TTC7B: variants seen among roughly 807,000 people sequenced by gnomAD.
The protein encoded by TTC7B is tetratricopeptide repeat domain 7B.
In TTC7B, 28 loss-of-function variants were observed where a neutral mutation model predicts 106.8. That is an observed-to-expected ratio of 0.26 (90% CI 0.19 to 0.36). The LOEUF is 0.36. Ranked by LOEUF, TTC7B falls within the 10% of genes least tolerant of loss-of-function variation. The probability of loss-of-function intolerance (pLI) is 1.00; values close to 1 mark genes in which losing one functional copy is unlikely to be tolerated. For missense variants in TTC7B, 862 were observed against 1,076.4 expected (o/e 0.80, Z 2.79); for synonymous variants, 405 against 430.6 (o/e 0.94, Z 0.74).
intron 19 of TTC7B, among the ~76,000 whole-genome samples, chr14:90,561,199 G>A (rs543605110): frequency 2.0e-5 from 3 of 152,336 alleles, no homozygotes; most frequent in Admixed American, 6.5e-5. Context: ...AGAAAGACGC[G>A]GCATCACATC....
At chr14:90,697,022 GA>G (rs1394630626) in intron 5 of TTC7B, among the ~76,000 whole-genome samples, 2 of 152,186 alleles carry the variant, frequency 1.3e-5, no homozygotes, top group Non-Finnish European at 2.9e-5. Context: ...CAAAGGATGG[GA>G]ATGGATATGG....
In TTC7B at chr14:90,755,668, C is replaced by A. The variant is rs199756149; in HGVS notation, c.446-10746G>T. ...GGCAAGACCCTGTCACTAAAAAAAA[C>A]AAAAAAACAAACAAACAAAAAAAAA... On this transcript the variant is annotated intron_variant, in intron 3 of 19. Coordinates refer to ENST00000328459, the MANE Select transcript of TTC7B (RefSeq NM_001010854.2). 4.1e-5 allele frequency among the ~76,000 whole-genome samples: 6 copies of A among 147,378 alleles called. No individual in the cohort carries two copies. In the South Asian group the frequency reaches 1.1e-3, roughly 27 times the overall value.
intron 18 of TTC7B, among the ~76,000 whole-genome samples, chr14:90,580,938 T>C (rs1450494565): frequency 2.0e-5 from 3 of 152,164 alleles, no homozygotes; most frequent in Non-Finnish European, 4.4e-5. Context: ...CTGTGGTTAG[T>C]GGCGATGCTG....
chr14:90,579,833 A>G (rs1484842437), intron 18 of TTC7B, among the ~76,000 whole-genome samples: 9 of 152,188 alleles, frequency 5.9e-5, no homozygotes, highest in Non-Finnish European at 8.8e-5. Flanking sequence ...ACAACAACGA[A>G]AAAAACAAGA....
chr14:90,641,934 C>CGTGTGTGTGTGTGTGTGTGCGT, intron 15 of TTC7B, among the ~76,000 whole-genome samples: 1 of 146,998 alleles, frequency 6.8e-6, no homozygotes, highest in South Asian at 2.2e-4. Context: ...TGTGTGTGTG[C>CGTGTGTGTGTGTGTGTGTGCGT]GTGTGTGTGT....
chr14:90,622,259 C>T (rs1227754902), intron 15 of TTC7B, among the ~76,000 whole-genome samples: 1 of 151,910 alleles, frequency 6.6e-6, no homozygotes, highest in Admixed American at 6.6e-5. Context: ...GCTGGGACCA[C>T]AGGTGCATGC....
chr14:90,787,630 A>T (rs1446602736), intron 1 of TTC7B, among the ~76,000 whole-genome samples: 2 of 152,210 alleles, frequency 1.3e-5, no homozygotes, highest in Non-Finnish European at 2.9e-5. Context: ...CCCCCCTAAG[A>T]TTCTGGGTGG....
At chr14:90,618,694 C>T (rs1893187470) in intron 15 of TTC7B, among the ~76,000 whole-genome samples, 2 of 152,224 alleles carry the variant, frequency 1.3e-5, no homozygotes, top group Non-Finnish European at 1.5e-5. Context: ...TTCTCTCTTT[C>T]GTGGCCCCAC....
In TTC7B at chr14:90,747,289, A is replaced by G. The variant is rs952511563; in HGVS notation, c.446-2367T>C. 3.3e-5 allele frequency among the ~76,000 whole-genome samples: 5 copies of G among 152,364 alleles called. No homozygotes were observed. In the South Asian group the frequency reaches 6.2e-4, roughly 19 times the overall value. On this transcript the variant is annotated intron_variant, in intron 3 of 19. Coordinates refer to ENST00000328459, the MANE Select transcript of TTC7B (RefSeq NM_001010854.2). Reference sequence around the variant, plus strand: ...GCAGGGAGAATTAAGCACTGTCTATAGGACTCGACTGGGAGAAGAAAACCA... The same window carrying G: ...GCAGGGAGAATTAAGCACTGTCTATGGGACTCGACTGGGAGAAGAAAACCA...
chr14:90,595,444 A>C (rs1430059978), intron 17 of TTC7B, among the ~76,000 whole-genome samples: 1 of 152,254 alleles, frequency 6.6e-6, no homozygotes, highest in South Asian at 2.1e-4. Flanking sequence ...GTTTAGACAA[A>C]GTATGTCTAA....
Position 90,669,824 on chromosome 14 carries a change from T to C in TTC7B, c.1152+6699A>G, listed in dbSNP as rs185886107. On this transcript the variant is annotated intron_variant, in intron 9 of 19. Coordinates refer to ENST00000328459, the MANE Select transcript of TTC7B (RefSeq NM_001010854.2). Reference sequence around the variant, plus strand: ...GAGAAATTAGAAACCTGTGTATTGCTGGTAGGAATGTAAAAATGGTACAGT... The same window carrying C: ...GAGAAATTAGAAACCTGTGTATTGCCGGTAGGAATGTAAAAATGGTACAGT... Among the ~76,000 whole-genome samples, 475 of 152,364 alleles carry C rather than the reference T, an allele frequency of 3.1e-3. 3 individuals are homozygous for C. The highest frequency in any genetic ancestry group is 0.011 in the African/African-American group (452 of 41,580).
At chr14:90,564,483 A>G (rs1430876954) in intron 19 of TTC7B, among the ~76,000 whole-genome samples, 1 of 152,178 alleles carries the variant, frequency 6.6e-6, no homozygotes, top group Non-Finnish European at 1.5e-5. Flanking sequence ...AAAGTCACCA[A>G]TTGCATCAGC....
At chr14:90,711,513 G>A (rs1403851626) in intron 5 of TTC7B, among the ~76,000 whole-genome samples, 6 of 152,214 alleles carry the variant, frequency 3.9e-5, no homozygotes, top group East Asian at 1.9e-4. Context: ...CCTCTGCCTC[G>A]CTGGTTCAAG....
At chr14:90,755,157 G>A (rs1431552657) in intron 3 of TTC7B, among the ~76,000 whole-genome samples, 1 of 152,176 alleles carries the variant, frequency 6.6e-6, no homozygotes, top group African/African-American at 2.4e-5. Context: ...TATGAAGAAT[G>A]CTGCTATGAG....
rs1890414669 is a variant in TTC7B at position 90,759,102 on chromosome 14, G to A, written c.446-14180C>T. Reference sequence around the variant, plus strand: ...CTCTGCCTGGTTCGAGGAAGGCCCAGCCAGGCCGGCCCCAGCTTCCTTCCT... The same window carrying A: ...CTCTGCCTGGTTCGAGGAAGGCCCAACCAGGCCGGCCCCAGCTTCCTTCCT... On this transcript the variant is annotated intron_variant, in intron 3 of 19. Transcript: ENST00000328459. This position sits in a 1 kb window ranked among gnomAD's most constrained non-coding sequence, Gnocchi z 4.1. 6.6e-6 allele frequency among the ~76,000 whole-genome samples: 1 copy of A among 152,186 alleles called. No homozygotes were observed. The highest frequency in any genetic ancestry group is 2.4e-5 in the African/African-American group (1 of 41,436).
intron 3 of TTC7B, among the ~76,000 whole-genome samples, chr14:90,756,707 C>T (rs2140012421): frequency 6.6e-6 from 1 of 152,148 alleles, no homozygotes; most frequent in Middle Eastern, 3.4e-3. Context: ...GAAATGTTTT[C>T]AAAACAATGT....
At chr14:90,557,013 C>T (rs765584318) in intron 19 of TTC7B, among the ~76,000 whole-genome samples, 9 of 152,220 alleles carry the variant, frequency 5.9e-5, no homozygotes, top group Non-Finnish European at 1.2e-4. Flanking sequence ...AAGCCATTCC[C>T]ATGCGGCCAC....
intron 19 of TTC7B, among the ~76,000 whole-genome samples, chr14:90,555,982 C>T (rs1170863099): frequency 6.6e-6 from 1 of 152,230 alleles, no homozygotes; most frequent in Non-Finnish European, 1.5e-5. Context: ...AGCTCCCTGC[C>T]GGCTGCAGCC....
At chr14:90,801,381 C>G (rs2030259468) in intron 1 of TTC7B, among the ~76,000 whole-genome samples, 1 of 152,082 alleles carries the variant, frequency 6.6e-6, no homozygotes, top group African/African-American at 2.4e-5. Flanking sequence ...TGACTCTGAC[C>G]TCCAGAACGC....
Sources: gnomAD v4.1 joint callset for allele counts (sites outside exome capture counted in the v4.1 genomes callset) on GRCh38, gnomAD v4.1.1 for gene constraint, Gnocchi (gnomAD v3.1) non-coding constraint, MANE v1.5 for transcripts, NCBI Gene and HGNC (gene_info 2026-07-23, HGNC 2026-07-21) for gene names.